Variants in PALM2AKAP2 observed in about 807,000 individuals in gnomAD.
The protein encoded by PALM2AKAP2 is PALM2-AKAP2 fusion protein.
PALM2AKAP2 carries 37 observed loss-of-function variants against 71.5 expected under a neutral mutation model. The ratio of observed to expected loss-of-function variants is 0.52; its 90% CI spans 0.40 to 0.68. The LOEUF (loss-of-function observed/expected upper bound fraction) is 0.68. Among genes scored for constraint, PALM2AKAP2 ranks in the 30% least tolerant of loss-of-function variants. The probability of loss-of-function intolerance (pLI) is 0.00; values close to 1 mark genes in which losing one functional copy is unlikely to be tolerated. For synonymous variants in PALM2AKAP2, 468 were observed against 478.8 expected (o/e 0.98, Z 0.29); for missense variants, 1,224 against 1,191.8 (o/e 1.03, Z -0.40).
chr9:109,996,389 G>A (rs1339783567), intron 6 of PALM2AKAP2, among the ~76,000 whole-genome samples: 1 of 152,174 alleles, frequency 6.6e-6, no homozygotes, highest in African/African-American at 2.4e-5. Flanking sequence ...GTAGGGAAAA[G>A]GAACAGTCCC....
chr9:109,997,001 G>A (rs546493879), intron 6 of PALM2AKAP2, among the ~76,000 whole-genome samples: 6 of 152,168 alleles, frequency 3.9e-5, no homozygotes, highest in Non-Finnish European at 8.8e-5. Flanking sequence ...CCAGCCTGGC[G>A]AACGTGGTGA....
At chr9:110,009,711 C>CT (rs1832845150) in intron 6 of PALM2AKAP2, among the ~76,000 whole-genome samples, 1 of 131,664 alleles carries the variant, frequency 7.6e-6, no homozygotes, top group African/African-American at 3.4e-5. Context: ...GAGACTCTGT[C>CT]TCAAAAAAAA....
chr9:109,979,494 G>A (rs1205492127), intron 6 of PALM2AKAP2, among the ~76,000 whole-genome samples: 4 of 152,232 alleles, frequency 2.6e-5, no homozygotes, highest in Non-Finnish European at 5.9e-5. Flanking sequence ...CAGCAATGTA[G>A]TAAACCAAGT....
chr9:109,701,026 GA>G (rs1462474814), intron 1 of PALM2AKAP2, among the ~76,000 whole-genome samples: 1 of 152,140 alleles, frequency 6.6e-6, no homozygotes, highest in Non-Finnish European at 1.5e-5. Context: ...TTTGTAGTTG[GA>G]AAAGGGAATA....
chr9:109,726,962 C>A (rs16914407), intron 1 of PALM2AKAP2, among the ~76,000 whole-genome samples: 1,650 of 152,260 alleles, frequency 0.011, 24 homozygotes, highest in African/African-American at 0.036. Flanking sequence ...TTGGACAGGA[C>A]AATCTAGAGG....
chr9:109,673,195 T>C (rs145592199), intron 1 of PALM2AKAP2, among the ~76,000 whole-genome samples: 63 of 152,252 alleles, frequency 4.1e-4, no homozygotes, highest in African/African-American at 1.4e-3. Context: ...TTAGTTGTGA[T>C]ATTAGGTTGT....
At position 110,105,954 on chromosome 9, in the gene PALM2AKAP2, T is replaced by C. The variant is rs145139303; in HGVS notation, c.157-30173T>C. ...CAGTCTAGGCTGTTTTATATATATATACGCACTTTATCCTGTCTAATGTAG... is the reference window on the plus strand; with the variant it reads ...CAGTCTAGGCTGTTTTATATATATACACGCACTTTATCCTGTCTAATGTAG... On this transcript the variant is annotated intron_variant, in intron 1 of 3. Coordinates refer to ENST00000374525, the Ensembl canonical transcript of PALM2AKAP2. 2.7e-4 allele frequency among the ~76,000 whole-genome samples: 41 copies of C among 152,298 alleles called. 1 individual carries two copies. The highest frequency in any genetic ancestry group is 9.9e-4 in the African/African-American group (41 of 41,568).
At chr9:110,016,170 G>A in intron 7 of PALM2AKAP2, 131 bp downstream of exon 7, 3 of 852,606 alleles carry the variant, frequency 3.5e-6, no homozygotes, top group Non-Finnish European at 5.6e-6. Context: ...ACTCACTGAG[G>A]TCTTAGGGAG....
At chr9:109,702,353 C>A (rs1828074201) in intron 1 of PALM2AKAP2, among the ~76,000 whole-genome samples, 1 of 152,140 alleles carries the variant, frequency 6.6e-6, no homozygotes, top group Non-Finnish European at 1.5e-5. Flanking sequence ...AAATGTCCAA[C>A]AATGATATAC....
chr9:110,024,796 A>G, intron 7 of PALM2AKAP2: 1 of 649,960 alleles, frequency 1.5e-6, no homozygotes, highest in Non-Finnish European at 2.7e-6. Context: ...TAAAAAAAAA[A>G]AAAGATATGC....
At chr9:109,878,735 A>G (rs1829772860) in intron 2 of PALM2AKAP2, among the ~76,000 whole-genome samples, 1 of 152,070 alleles carries the variant, frequency 6.6e-6, no homozygotes, top group South Asian at 2.1e-4. Flanking sequence ...ACTAATACTA[A>G]GTGTTGGTAA....
At chr9:109,867,690 A>T in intron 2 of PALM2AKAP2, 119 bp downstream of exon 2, 1 of 1,157,210 alleles carries the variant, frequency 8.6e-7, no homozygotes, top group Non-Finnish European at 1.2e-6. Context: ...AGCCTTTTTC[A>T]TTCAATCAGG....
chr9:109,735,332 G>C (rs777075327), intron 1 of PALM2AKAP2, among the ~76,000 whole-genome samples: 3 of 151,698 alleles, frequency 2.0e-5, no homozygotes, highest in African/African-American at 7.3e-5. Context: ...AGGACACACT[G>C]TGTATATATG....
chr9:110,027,119 G>C (rs192303099), intron 7 of PALM2AKAP2, among the ~76,000 whole-genome samples: 2 of 152,306 alleles, frequency 1.3e-5, no homozygotes, highest in Admixed American at 1.3e-4. Context: ...CTACAAGCTA[G>C]ATTTTTAAAG....
intron 1 of PALM2AKAP2, among the ~76,000 whole-genome samples, chr9:109,738,106 A>G (rs1027223914): frequency 6.6e-6 from 1 of 152,238 alleles, no homozygotes; most frequent in Non-Finnish European, 1.5e-5. Context: ...CTGAGCACCA[A>G]CTATATATAA....
chr9:109,722,723 G>C (rs1157575051), intron 1 of PALM2AKAP2, among the ~76,000 whole-genome samples: 1 of 152,112 alleles, frequency 6.6e-6, no homozygotes, highest in Admixed American at 6.5e-5. Flanking sequence ...AGTGAGCCTT[G>C]GTTGCATCAC....
In PALM2AKAP2 at chr9:109,987,713, A is replaced by T. The variant is rs1832407700; in HGVS notation, c.497-28241A>T. Among the ~76,000 whole-genome samples, 3 of 152,200 alleles carry T rather than the reference A, an allele frequency of 2.0e-5. No homozygotes were observed. In the South Asian group the frequency reaches 6.2e-4, roughly 32 times the overall value. On this transcript the variant is annotated intron_variant, in intron 6 of 9. Coordinates refer to the PALM2AKAP2 transcript ENST00000302798. ...AGTTGTTTAATTTTACAACACAGTG[A>T]CATCCTCAAGGGCCCAGTTTGCTTC...
chr9:110,074,421 G>C (rs1834274336), intron 1 of PALM2AKAP2, among the ~76,000 whole-genome samples: 1 of 152,168 alleles, frequency 6.6e-6, no homozygotes, highest in South Asian at 2.1e-4. Context: ...GCCTAGATTG[G>C]ATCATTTTAT....
intron 1 of PALM2AKAP2, among the ~76,000 whole-genome samples, chr9:109,762,509 T>A (rs551218847): frequency 2.6e-4 from 39 of 152,328 alleles, no homozygotes; most frequent in African/African-American, 7.2e-4. Context: ...TCGATTATCC[T>A]CACTGAATTG....
Sources: allele counts gnomAD v4.1 joint callset (sites outside exome capture counted in the v4.1 genomes callset), GRCh38; gene constraint gnomAD v4.1.1; transcripts MANE v1.5; gene names NCBI Gene and HGNC (gene_info 2026-07-23, HGNC 2026-07-21).